The following ZDHHC2 variants were observed in gnomAD, a reference collection of about 807,000 sequenced individuals.
ZDHHC2 encodes the protein palmitoyltransferase ZDHHC2.
ZDHHC2 carries 51 observed loss-of-function variants against 55.6 expected under a neutral mutation model. The observed-to-expected ratio is 0.92, with a 90% CI of 0.73 to 1.16. ZDHHC2 has a LOEUF of 1.16. Ranked by LOEUF, ZDHHC2 falls within the 50% of genes most tolerant of loss-of-function variation. The pLI, the probability that ZDHHC2 is intolerant of heterozygous loss-of-function variation, is 0.00. For synonymous variants in ZDHHC2, 199 were observed against 152.9 expected (o/e 1.30, Z -2.22); for missense variants, 491 against 442.4 (o/e 1.11, Z -0.99).
intron 1 of ZDHHC2, among the ~76,000 whole-genome samples, chr8:17,181,727 G>A (rs1049924499): frequency 6.6e-6 from 1 of 152,030 alleles, no homozygotes; most frequent in Admixed American, 6.6e-5. Context: ...TCCCAATTAT[G>A]TTCAGTATTG....
At chr8:17,206,326 G>A (rs1282203843) in intron 7 of ZDHHC2, among the ~76,000 whole-genome samples, 1 of 152,126 alleles carries the variant, frequency 6.6e-6, no homozygotes, top group Non-Finnish European at 1.5e-5. Flanking sequence ...AATCAATAAT[G>A]TATATTAAAT....
intron 3 of ZDHHC2, among the ~76,000 whole-genome samples, chr8:17,188,196 G>C (rs1805820452): frequency 6.6e-6 from 1 of 152,132 alleles, no homozygotes; most frequent in Non-Finnish European, 1.5e-5. Flanking sequence ...CCATCTTAAG[G>C]TTTTCTGTTT....
At chr8:17,159,491 A>G (rs937092105) in intron 1 of ZDHHC2, among the ~76,000 whole-genome samples, 5 of 152,164 alleles carry the variant, frequency 3.3e-5, no homozygotes, top group African/African-American at 4.8e-5. Flanking sequence ...ATGAACTGCA[A>G]TTTAGGAGTA....
At chr8:17,181,621 A>T (rs558934515) in intron 1 of ZDHHC2, among the ~76,000 whole-genome samples, 6 of 152,228 alleles carry the variant, frequency 3.9e-5, no homozygotes, top group African/African-American at 7.2e-5. Flanking sequence ...TAAATCAAAC[A>T]AATTGAAATT....
chr8:17,217,034 C>T (rs1563172564), intron 11 of ZDHHC2, 138 bp from the exon 12 acceptor site: 2 of 704,578 alleles, frequency 2.8e-6, no homozygotes, highest in East Asian at 5.8e-5. Flanking sequence ...TCTATATCAC[C>T]ATCTTATATA....
Position 17,215,225 on chromosome 8 carries a change from A to T in ZDHHC2, c.951-12A>T. Reference sequence around the variant, plus strand: ...TTATGATGATTTTGATGATTATTCAATTATTATTCAGTCTCGAAAACCATC... The same window carrying T: ...TTATGATGATTTTGATGATTATTCATTTATTATTCAGTCTCGAAAACCATC... On this transcript the variant is annotated splice_polypyrimidine_tract_variant and intron_variant, in intron 10 of 12. Transcript: ENST00000262096. 6.4e-7 allele frequency: 1 copy of T among 1,558,616 alleles called. No homozygotes were observed. The highest frequency in any genetic ancestry group is 8.7e-7 in the Non-Finnish European group (1 of 1,150,216).
chr8:17,163,419 GA>G (rs1804450742), intron 1 of ZDHHC2, among the ~76,000 whole-genome samples: 2 of 152,256 alleles, frequency 1.3e-5, no homozygotes, highest in South Asian at 4.2e-4. Flanking sequence ...TGCTAGCGGG[GA>G]AAAAAGACAA....
chr8:17,156,686 G>A lies in ZDHHC2; in HGVS notation c.-38G>A, dbSNP rs367995383. On this transcript the variant is annotated 5_prime_UTR_variant, in exon 1 of 13. Transcript: ENST00000262096. Reference sequence around the variant, plus strand: ...AGCCCGCCCCGGAGCCAGGCCCGCGGGCGGCGGCGGAGCTGGGCAGGTGGA... The same window carrying A: ...AGCCCGCCCCGGAGCCAGGCCCGCGAGCGGCGGCGGAGCTGGGCAGGTGGA... The A allele has an allele frequency of 1.1e-4, 142 of 1,283,434 alleles. No homozygotes were observed. In the East Asian group the frequency reaches 3.2e-3, roughly 29 times the overall value. The allele number at this position is 1,283,434 out of a possible 1,614,324, so 79.5% of individuals were successfully genotyped here.
chr8:17,210,834 A>G (rs1042018804), intron 10 of ZDHHC2, among the ~76,000 whole-genome samples: 2 of 152,176 alleles, frequency 1.3e-5, no homozygotes, highest in South Asian at 2.1e-4. Context: ...CCCCTGACCC[A>G]CCATATCTTT....
chr8:17,197,917 T>C (rs1244407726), intron 5 of ZDHHC2, among the ~76,000 whole-genome samples: 3 of 152,206 alleles, frequency 2.0e-5, no homozygotes, highest in Non-Finnish European at 4.4e-5. Context: ...ATTTAGGAAA[T>C]ACTTCTATGA....
At chr8:17,215,104 C>A in intron 10 of ZDHHC2, 133 bp from the exon 11 acceptor site, 2 of 681,948 alleles carry the variant, frequency 2.9e-6, no homozygotes, top group East Asian at 2.7e-5. Flanking sequence ...CTTGTATTCC[C>A]CACGTTATTT....
chr8:17,180,034 G>C (rs1157955745), intron 1 of ZDHHC2, among the ~76,000 whole-genome samples: 1 of 152,158 alleles, frequency 6.6e-6, no homozygotes, highest in African/African-American at 2.4e-5. Flanking sequence ...GTATTTAGAT[G>C]GTATGAATGG....
chr8:17,215,185 C>T, intron 10 of ZDHHC2, 52 bp from the exon 11 acceptor site: 3 of 1,478,922 alleles, frequency 2.0e-6, no homozygotes, highest in Non-Finnish European at 2.8e-6. Flanking sequence ...ATCAACTTTA[C>T]TATCAAAAAT....
At chr8:17,191,761 G>C (rs529687488) in intron 3 of ZDHHC2, among the ~76,000 whole-genome samples, 16 of 152,254 alleles carry the variant, frequency 1.1e-4, no homozygotes, top group Non-Finnish European at 5.9e-5. Flanking sequence ...GCTATTGTGA[G>C]TAGTGCTGCA....
intron 6 of ZDHHC2, among the ~76,000 whole-genome samples, chr8:17,204,622 C>CA (rs1004781797): frequency 2.0e-5 from 3 of 151,964 alleles, no homozygotes; most frequent in African/African-American, 7.3e-5. Context: ...AACACATGGA[C>CA]ACAGAGGAGG....
At chr8:17,175,620 CCT>C (rs1244812349) in intron 1 of ZDHHC2, among the ~76,000 whole-genome samples, 2 of 152,122 alleles carry the variant, frequency 1.3e-5, no homozygotes, top group East Asian at 3.9e-4. Context: ...GGTGCTTTTA[CCT>C]TCTAGTTTAA....
Position 17,216,134 on chromosome 8 carries a change from T to C in ZDHHC2, c.1063+785T>C, listed in dbSNP as rs149267366. 1.5e-3 allele frequency among the ~76,000 whole-genome samples: 222 copies of C among 152,344 alleles called. 1 individual carries two copies. Among genetic ancestry groups the C allele is most frequent in the African/African-American group, 4.9e-3 (203 of 41,584 alleles). On this transcript the variant is annotated intron_variant, in intron 11 of 12. Coordinates refer to ENST00000262096, the MANE Select transcript of ZDHHC2 (RefSeq NM_016353.5). ...CCATACATCTGTGATTAAGGCGTTA[T>C]TAGCCAGAAAATCTTCAGATTGACT...
At chr8:17,196,423 C>G (rs192152510) in intron 4 of ZDHHC2, among the ~76,000 whole-genome samples, 110 of 152,150 alleles carry the variant, frequency 7.2e-4, no homozygotes, top group Middle Eastern at 3.4e-3. Context: ...GACACAGTGG[C>G]TTGTGCCTAT....
intron 4 of ZDHHC2, 78 bp from the exon 5 acceptor site, chr8:17,197,504 G>A: frequency 1.7e-6 from 2 of 1,195,820 alleles, no homozygotes; most frequent in Middle Eastern, 4.0e-4. Context: ...TTTAAATTTG[G>A]AGAGATGATA....
Sources: allele counts gnomAD v4.1 joint callset (sites outside exome capture counted in the v4.1 genomes callset), GRCh38; gene constraint gnomAD v4.1.1; transcripts MANE v1.5; gene names NCBI Gene and HGNC (gene_info 2026-07-23, HGNC 2026-07-21).